The following NRCAM variants were observed in gnomAD, a reference collection of about 807,000 sequenced individuals.
NRCAM encodes NgCAM-related cell adhesion molecule.
A neutral mutation model predicts 156.5 loss-of-function variants in NRCAM; 83 were observed. That is an observed-to-expected ratio of 0.53 (90% CI 0.44 to 0.64). NRCAM has a LOEUF of 0.64. Ranked by LOEUF, NRCAM falls within the 30% of genes least tolerant of loss-of-function variation. The pLI is 0.00. For missense variants in NRCAM, 1,417 were observed against 1,597.3 expected, an observed-to-expected ratio of 0.89 and a Z score of 1.92; for synonymous variants, 538 against 563.9, an observed-to-expected ratio of 0.95 and a Z score of 0.65.
At chr7:108,155,101 T>TATACACACAC (rs1270777439) in intron 32 of NRCAM, among the ~76,000 whole-genome samples, 153 of 123,102 alleles carry the variant, frequency 1.2e-3, no homozygotes, top group African/African-American at 4.2e-3. Flanking sequence ...TATATATATA[T>TATACACACAC]ACACACACAC....
intron 20 of NRCAM, among the ~76,000 whole-genome samples, chr7:108,188,133 T>C (rs1249801204): frequency 6.6e-6 from 1 of 152,050 alleles, no homozygotes; most frequent in Non-Finnish European, 1.5e-5. Context: ...GACTACAGTA[T>C]AGTATAGCTC....
At chr7:108,266,613 G>A (rs986634435) in intron 3 of NRCAM, among the ~76,000 whole-genome samples, 2 of 152,180 alleles carry the variant, frequency 1.3e-5, no homozygotes, top group African/African-American at 2.4e-5. Flanking sequence ...GTCTCTAGGT[G>A]CCCAAAATTG....
At chr7:108,236,328 ATTT>A (rs1279665424) in intron 5 of NRCAM, among the ~76,000 whole-genome samples, 11 of 152,152 alleles carry the variant, frequency 7.2e-5, no homozygotes, top group Non-Finnish European at 1.3e-4. Flanking sequence ...TACTGTCATC[ATTT>A]ATTGTGTACT....
At chr7:108,288,195 A>G (rs2098168801) in intron 3 of NRCAM, among the ~76,000 whole-genome samples, 1 of 152,160 alleles carries the variant, frequency 6.6e-6, no homozygotes, top group Non-Finnish European at 1.5e-5. Flanking sequence ...ATGGATACGC[A>G]GGAATATGCA....
At chr7:108,429,111 T>C (rs2154456528) in intron 1 of NRCAM, among the ~76,000 whole-genome samples, 1 of 152,344 alleles carries the variant, frequency 6.6e-6, no homozygotes, top group South Asian at 2.1e-4. Context: ...ATTTAATTTT[T>C]AAAAATTTAA....
chr7:108,411,660 G>A (rs1795486801), intron 1 of NRCAM, among the ~76,000 whole-genome samples: 1 of 152,152 alleles, frequency 6.6e-6, no homozygotes. Context: ...CTCTTGAGTA[G>A]CTGGGATTAC....
intron 32 of NRCAM, chr7:108,159,192 G>T: frequency 1.6e-6 from 1 of 617,238 alleles, no homozygotes; most frequent in East Asian, 3.4e-5. Flanking sequence ...TTGCTAGATT[G>T]ATCAATACAG....
chr7:108,367,552 T>C (rs2099599381), intron 2 of NRCAM, among the ~76,000 whole-genome samples: 1 of 152,142 alleles, frequency 6.6e-6, no homozygotes, highest in Non-Finnish European at 1.5e-5. Flanking sequence ...CTGTAGGAGT[T>C]TGGGGCAGCT....
chr7:108,323,666 C>T (rs889553458), intron 2 of NRCAM, among the ~76,000 whole-genome samples: 5 of 152,126 alleles, frequency 3.3e-5, no homozygotes, highest in African/African-American at 4.8e-5. Context: ...GTAAATAATA[C>T]AGGCAGAAAT....
intron 28 of NRCAM, among the ~76,000 whole-genome samples, chr7:108,173,902 T>C (rs143381466): frequency 1.8e-3 from 273 of 152,308 alleles, no homozygotes; most frequent in African/African-American, 6.3e-3. Flanking sequence ...CATATCTACT[T>C]CTAACGTGAC....
intron 2 of NRCAM, among the ~76,000 whole-genome samples, chr7:108,356,214 T>C (rs1383764607): frequency 6.6e-6 from 1 of 152,238 alleles, no homozygotes; most frequent in Admixed American, 6.5e-5. Flanking sequence ...CCCAAAGTGC[T>C]GGGATTACAG....
At chr7:108,368,915 A>C (rs963268298) in intron 2 of NRCAM, among the ~76,000 whole-genome samples, 2 of 152,190 alleles carry the variant, frequency 1.3e-5, no homozygotes, top group Admixed American at 6.6e-5. Context: ...GAAATGCTGT[A>C]AATCCAAATA....
chr7:108,432,908 AGAGAAAGAGAAAGAGAAAGAG>A (rs1407817136), intron 1 of NRCAM, among the ~76,000 whole-genome samples: 4 of 148,808 alleles, frequency 2.7e-5, no homozygotes, highest in East Asian at 2.1e-4. Flanking sequence ...AGAGAGAGAG[AGAGAAAGAGAAAGAGAAAGAG>A]GAGAAAGAGA....
chr7:108,328,754 A>T (rs915726989), intron 2 of NRCAM: 6 of 152,254 alleles, frequency 3.9e-5, no homozygotes, highest in Non-Finnish European at 8.8e-5. Flanking sequence ...ATGATTTGGT[A>T]ATCTTGTTTC....
intron 25 of NRCAM, among the ~76,000 whole-genome samples, chr7:108,180,003 A>G (rs1397874144): frequency 2.0e-5 from 3 of 152,166 alleles, no homozygotes; most frequent in African/African-American, 7.2e-5. Flanking sequence ...GGGAGAGGGC[A>G]TTTCAGAGCA....
intron 2 of NRCAM, among the ~76,000 whole-genome samples, chr7:108,327,360 G>A (rs1406612022): frequency 6.6e-6 from 1 of 152,104 alleles, no homozygotes; most frequent in African/African-American, 2.4e-5. Context: ...ACAAACATAA[G>A]TTATTTTTCT....
chr7:108,250,442 A>AG (rs1266411068), intron 3 of NRCAM, among the ~76,000 whole-genome samples: 3 of 151,280 alleles, frequency 2.0e-5, no homozygotes, highest in African/African-American at 7.3e-5. Context: ...AAAAAAAAAA[A>AG]AAAAAAAAGA....
intron 11 of NRCAM, among the ~76,000 whole-genome samples, chr7:108,210,142 T>A (rs1358373400): frequency 6.6e-6 from 1 of 151,986 alleles, no homozygotes; most frequent in Non-Finnish European, 1.5e-5. Context: ...GGGAAAGAGC[T>A]TTTTTTCCTT....
At chr7:108,246,664 A>T (rs1460851169) in intron 3 of NRCAM, among the ~76,000 whole-genome samples, 2 of 152,196 alleles carry the variant, frequency 1.3e-5, no homozygotes, top group Admixed American at 1.3e-4. Context: ...CTTGCATTAT[A>T]ATCACCAGGC....
Sources: gnomAD v4.1 joint callset for allele counts (sites outside exome capture counted in the v4.1 genomes callset) on GRCh38, gnomAD v4.1.1 for gene constraint, MANE v1.5 for transcripts, NCBI Gene and HGNC (gene_info 2026-07-23, HGNC 2026-07-21) for gene names.